SLC44A5: variants seen among roughly 807,000 people sequenced by gnomAD.
The protein encoded by SLC44A5 is choline transporter-like protein 5.
Under a neutral mutation model 101.8 loss-of-function variants are expected in SLC44A5, and 57 were observed. The ratio of observed to expected loss-of-function variants is 0.56; its 90% CI spans 0.45 to 0.70. SLC44A5 has a LOEUF of 0.70. SLC44A5 is among the 30% of genes least tolerant of loss of function. The probability of loss-of-function intolerance (pLI) is 0.00; values close to 1 mark genes in which losing one functional copy is unlikely to be tolerated. For synonymous variants in SLC44A5, 281 were observed against 290.9 expected, an observed-to-expected ratio of 0.97 and a Z score of 0.35; for missense variants, 737 against 853.1, an observed-to-expected ratio of 0.86 and a Z score of 1.70.
chr1:75,233,816 A>G (rs1280155035), intron 12 of SLC44A5, among the ~76,000 whole-genome samples, 170 bp downstream of exon 12: 1 of 152,188 alleles, frequency 6.6e-6, no homozygotes, highest in Non-Finnish European at 1.5e-5. Flanking sequence ...AGAAAAAGTT[A>G]CAGAGACAAT....
At chr1:75,366,218 C>T (rs928317183) in intron 3 of SLC44A5, among the ~76,000 whole-genome samples, 1 of 152,108 alleles carries the variant, frequency 6.6e-6, no homozygotes, top group East Asian at 1.9e-4. Context: ...TAAGGCAGAC[C>T]TAGTGGTGAT....
chr1:75,681,154 T>C, the SLC44A5 span, among the ~76,000 whole-genome samples: 6 of 152,084 alleles, frequency 3.9e-5, no homozygotes, highest in African/African-American at 1.2e-4. Flanking sequence ...CAGGACCAGA[T>C]GGATTCACAG....
At chr1:75,642,379 C>T in the SLC44A5 span, among the ~76,000 whole-genome samples, 2 of 152,042 alleles carry the variant, frequency 1.3e-5, no homozygotes, top group Non-Finnish European at 2.9e-5. Context: ...TTACCTGCCA[C>T]GAATATGGTC....
At chr1:75,376,476 G>C (rs559494186) in intron 3 of SLC44A5, among the ~76,000 whole-genome samples, 1 of 152,188 alleles carries the variant, frequency 6.6e-6, no homozygotes, top group Admixed American at 6.5e-5. Context: ...CTCCCAGCAC[G>C]CAGCTGGAGA....
At chr1:75,651,215 A>G in the SLC44A5 span, among the ~76,000 whole-genome samples, 1 of 152,182 alleles carries the variant, frequency 6.6e-6, no homozygotes, top group African/African-American at 2.4e-5. Flanking sequence ...TTGTGTACCT[A>G]AAAGCATGGT....
intron 23 of SLC44A5, among the ~76,000 whole-genome samples, chr1:75,210,042 A>T (rs201155331): frequency 7.3e-6 from 1 of 136,438 alleles, no homozygotes; most frequent in Admixed American, 7.2e-5. Context: ...ACTAATATTA[A>T]AAAAATCTTT....
chr1:75,481,090 A>C (rs1667813663), intron 2 of SLC44A5, among the ~76,000 whole-genome samples: 1 of 152,232 alleles, frequency 6.6e-6, no homozygotes, highest in African/African-American at 2.4e-5. Context: ...AGCCCTCAGA[A>C]GTAACGCCAC....
chr1:75,637,887 C>G, the SLC44A5 span, among the ~76,000 whole-genome samples: 1 of 152,020 alleles, frequency 6.6e-6, no homozygotes, highest in African/African-American at 2.4e-5. Flanking sequence ...TTAAATTAGC[C>G]TCTTCCAAAA....
chr1:75,275,082 G>T, intron 5 of SLC44A5, 40 bp from the exon 6 acceptor site: 1 of 1,529,982 alleles, frequency 6.5e-7, no homozygotes, highest in Non-Finnish European at 9.0e-7. Context: ...ATCAGCAAAA[G>T]CCAGCTAAAG....
the SLC44A5 span, among the ~76,000 whole-genome samples, chr1:75,681,041 A>G: frequency 3.3e-5 from 5 of 150,864 alleles, no homozygotes; most frequent in African/African-American, 9.7e-5. Context: ...TGACACATAC[A>G]CTCTCCCAAG....
chr1:75,232,365 C>T (rs2100561365), intron 12 of SLC44A5, among the ~76,000 whole-genome samples: 1 of 152,206 alleles, frequency 6.6e-6, no homozygotes, highest in East Asian at 1.9e-4. Context: ...GATTGAATCA[C>T]AAGCCCAGAC....
chr1:75,688,713 TC>T, the SLC44A5 span, among the ~76,000 whole-genome samples: 1 of 152,126 alleles, frequency 6.6e-6, no homozygotes, highest in African/African-American at 2.4e-5. Context: ...AGTGATCATC[TC>T]TTTAAAAGAC....
intron 2 of SLC44A5, among the ~76,000 whole-genome samples, chr1:75,407,126 A>T (rs1252366474): frequency 6.6e-6 from 1 of 152,162 alleles, no homozygotes; most frequent in Non-Finnish European, 1.5e-5. Context: ...CTAAGAGAAT[A>T]AAATACCTAG....
At chr1:75,473,283 G>T (rs1429710882) in intron 2 of SLC44A5, among the ~76,000 whole-genome samples, 1 of 152,026 alleles carries the variant, frequency 6.6e-6, no homozygotes, top group African/African-American at 2.4e-5. Flanking sequence ...CAAGAACCAA[G>T]AATTGGATAA....
chr1:75,678,828 C>T, the SLC44A5 span, among the ~76,000 whole-genome samples: 2 of 152,016 alleles, frequency 1.3e-5, no homozygotes, highest in African/African-American at 4.8e-5. Flanking sequence ...TATGGGAGGA[C>T]ATTCAAACCA....
chr1:75,325,005 A>T lies in SLC44A5; in HGVS notation c.101+14577T>A, dbSNP rs79399243. On this transcript the variant is annotated intron_variant, in intron 4 of 23. Transcript: ENST00000370859. ...CCAGGTCTTGTACTAGGGGATGAGG[A>T]TCTAGAAACAAAAGCTTTAAGGAAC... 3.3e-4 allele frequency among the ~76,000 whole-genome samples: 50 copies of T among 152,314 alleles called. 1 individual carries two copies. In the East Asian group the frequency reaches 9.1e-3, roughly 28 times the overall value.
chr1:75,651,696 CAAAAAAA>C, the SLC44A5 span, among the ~76,000 whole-genome samples: 4 of 70,150 alleles, frequency 5.7e-5, no homozygotes, highest in South Asian at 6.3e-4. Context: ...GACTCTGTCT[CAAAAAAA>C]AAAAAAAAAA....
chr1:75,317,809 T>C (rs1456328479), intron 4 of SLC44A5, among the ~76,000 whole-genome samples: 2 of 152,122 alleles, frequency 1.3e-5, no homozygotes, highest in Non-Finnish European at 2.9e-5. Context: ...TGGTTTCTTC[T>C]TATAAGGTCA....
At chr1:75,335,624 C>G (rs1470112903) in intron 4 of SLC44A5, among the ~76,000 whole-genome samples, 1 of 152,158 alleles carries the variant, frequency 6.6e-6, no homozygotes, top group Non-Finnish European at 1.5e-5. Context: ...GTTTGATCAT[C>G]ATTTGTACTT....
Sources: gnomAD v4.1 joint callset for allele counts (sites outside exome capture counted in the v4.1 genomes callset) on GRCh38, gnomAD v4.1.1 for gene constraint, MANE v1.5 for transcripts, NCBI Gene and HGNC (gene_info 2026-07-23, HGNC 2026-07-21) for gene names.